ARHGEF38: variants seen among roughly 807,000 people sequenced by gnomAD.
ARHGEF38 encodes the protein Rho guanine nucleotide exchange factor (GEF) 38.
Under a neutral mutation model 79.9 loss-of-function variants are expected in ARHGEF38, and 79 were observed. That is an observed-to-expected ratio of 0.99 (90% confidence interval 0.82 to 1.19). ARHGEF38 has a LOEUF of 1.19. Among genes scored for constraint, ARHGEF38 ranks in the 50% most tolerant of loss-of-function variants. ARHGEF38 has a pLI of 0.00. For missense variants in ARHGEF38, 962 were observed against 907.2 expected, an observed-to-expected ratio of 1.06 and a Z score of -0.78; for synonymous variants, 366 against 328.3, an observed-to-expected ratio of 1.11 and a Z score of -1.24.
rs907534416 is a variant in ARHGEF38 at position 105,668,620 on chromosome 4, T to C, written c.2148+917T>C. Among the ~76,000 whole-genome samples, 13 of 152,208 alleles carry C rather than the reference T, an allele frequency of 8.5e-5. No homozygotes were observed. The South Asian group carries it at 2.7e-3, about 32-fold the overall frequency. On this transcript the variant is annotated intron_variant, in intron 13 of 13. Coordinates refer to ENST00000420470, the MANE Select transcript of ARHGEF38 (RefSeq NM_001242729.2). Reference sequence around the variant, plus strand: ...TTTCTTTAGTGTTCTATTAATAATTTATTTAAATTTATTTTTATAGAGGTT... The same window carrying C: ...TTTCTTTAGTGTTCTATTAATAATTCATTTAAATTTATTTTTATAGAGGTT...
Position 105,677,779 on chromosome 4 carries a change from G to C in ARHGEF38, c.2176G>C (p.Ala726Pro). The change falls in exon 14 of 14, where the codon GCA becomes CCA. Residue 726 changes from alanine to proline, a missense_variant. Ala to Pro is a conservative substitution (Grantham distance 27). Coordinates refer to ENST00000420470, the MANE Select transcript of ARHGEF38 (RefSeq NM_001242729.2). ...QIFYAVHAFQ[A>P]RSDHELSLQE... ...TTTCTATGCAGTTCATGCTTTTCAA[G>C]CACGGAGTGACCATGAACTCAGCCT... The C allele has an allele frequency of 6.6e-7, 1 of 1,517,758 alleles. No homozygotes were observed. Among genetic ancestry groups the C allele is most frequent in the Non-Finnish European group, 8.8e-7 (1 of 1,134,852 alleles). The allele number at this position is 1,517,758 out of a possible 1,614,324, so 94.0% of individuals were successfully genotyped here.
chr4:105,635,836 C>T (rs1578333424), intron 4 of ARHGEF38, among the ~76,000 whole-genome samples: 1 of 152,066 alleles, frequency 6.6e-6, no homozygotes, highest in Non-Finnish European at 1.5e-5. Flanking sequence ...TGATTCCCAT[C>T]TAATAGGTCT....
intron 3 of ARHGEF38, among the ~76,000 whole-genome samples, chr4:105,626,292 A>G (rs1476942362): frequency 6.6e-6 from 1 of 152,084 alleles, no homozygotes; most frequent in Non-Finnish European, 1.5e-5. Context: ...TCTCTCACAC[A>G]TGTTCAATGT....
At chr4:105,668,064 T>C (rs947620939) in intron 13 of ARHGEF38, among the ~76,000 whole-genome samples, 5 of 152,140 alleles carry the variant, frequency 3.3e-5, no homozygotes, top group African/African-American at 1.2e-4. Flanking sequence ...CTGCCATCAA[T>C]AGCACATGGG....
chr4:105,669,909 C>A (rs1286317592), intron 13 of ARHGEF38, among the ~76,000 whole-genome samples: 1 of 152,126 alleles, frequency 6.6e-6, no homozygotes, highest in Non-Finnish European at 1.5e-5. Context: ...TGTTTTACAG[C>A]TGCTTTTTTT....
At chr4:105,555,522 C>A (rs925204447) in intron 1 of ARHGEF38, among the ~76,000 whole-genome samples, 7 of 152,130 alleles carry the variant, frequency 4.6e-5, no homozygotes, top group Middle Eastern at 3.4e-3. Context: ...ATTCAAATGC[C>A]GAGAGATTTT....
chr4:105,624,908 A>G (rs1033828730), intron 3 of ARHGEF38, among the ~76,000 whole-genome samples: 3 of 152,210 alleles, frequency 2.0e-5, no homozygotes, highest in African/African-American at 4.8e-5. Flanking sequence ...AATGACAGTC[A>G]GAGGCCTGTA....
chr4:105,667,587 G>A lies in ARHGEF38; in HGVS notation c.2032G>A (p.Val678Ile). ...FVSSRPASDS[V>I]TGTSESSIGD... Reference sequence around the variant, plus strand: ...GTCTTCACGGCCAGCTAGTGACAGTGTCACAGGCACCTCAGAAAGCAGCAT... The same window carrying A: ...GTCTTCACGGCCAGCTAGTGACAGTATCACAGGCACCTCAGAAAGCAGCAT... Residue 678 changes from valine (V) to isoleucine (I), a missense_variant, in exon 13 of 14, where the codon GTC (valine) becomes ATC (isoleucine). Coordinates refer to ENST00000420470, the MANE Select transcript of ARHGEF38 (RefSeq NM_001242729.2). 1 of 1,536,708 alleles carries A rather than the reference G, an allele frequency of 6.5e-7. No homozygotes were observed.
At position 105,659,161 on chromosome 4, in the gene ARHGEF38, C is replaced by A; in HGVS notation, c.1341C>A (p.Cys447Ter). The A allele has an allele frequency of 6.5e-7, 1 of 1,536,188 alleles. No homozygotes were observed. The part of the protein sequence containing the change: ...IQKRYDKLLD[C>*]NSYLQRSTGE... Reference sequence around the variant, plus strand: ...AACGCTATGACAAACTGCTGGATTGCAACAGCTACCTGCAGCGATCAACGG... The same window carrying A: ...AACGCTATGACAAACTGCTGGATTGAAACAGCTACCTGCAGCGATCAACGG... The change falls in exon 10 of 14, where the codon TGC becomes TGA. Residue 447 changes from cysteine (C) to a stop codon, truncating the protein, a stop_gained. Coordinates refer to ENST00000420470, the MANE Select transcript of ARHGEF38 (RefSeq NM_001242729.2). LOFTEE classifies it high-confidence loss of function.
intron 10 of ARHGEF38, among the ~76,000 whole-genome samples, chr4:105,660,656 T>A (rs1730527814): frequency 6.6e-6 from 1 of 152,162 alleles, no homozygotes; most frequent in Admixed American, 6.6e-5. Context: ...GTCAGGCTGG[T>A]CTCGAACTTC....
chr4:105,632,322 C>A (rs538389807), intron 4 of ARHGEF38, among the ~76,000 whole-genome samples: 44 of 152,238 alleles, frequency 2.9e-4, no homozygotes, highest in Admixed American at 1.7e-3. Context: ...AAGCGTAGTT[C>A]TGGGGGCTAA....
At chr4:105,623,914 A>G (rs11940390) in intron 3 of ARHGEF38, among the ~76,000 whole-genome samples, 3,507 of 152,220 alleles carry the variant, frequency 0.023, 122 homozygotes, top group African/African-American at 0.072. Flanking sequence ...GGCCAGATGT[A>G]CTGAGTGGAT....
intron 1 of ARHGEF38, among the ~76,000 whole-genome samples, chr4:105,555,700 T>C (rs942803124): frequency 6.6e-6 from 1 of 152,172 alleles, no homozygotes; most frequent in Admixed American, 6.6e-5. Context: ...GCTGGTTATT[T>C]AATTAGTTAT....
intron 1 of ARHGEF38, among the ~76,000 whole-genome samples, chr4:105,579,995 C>T (rs1220561657): frequency 6.6e-6 from 1 of 152,048 alleles, no homozygotes; most frequent in Non-Finnish European, 1.5e-5. Flanking sequence ...TCCATTTCAT[C>T]TAGATTTTCT....
intron 1 of ARHGEF38, among the ~76,000 whole-genome samples, chr4:105,577,274 C>T (rs888893847): frequency 7.6e-6 from 1 of 130,740 alleles, no homozygotes; most frequent in African/African-American, 2.9e-5. Context: ...ACAACAGTCC[C>T]CAGAGGGTGA....
chr4:105,665,267 G>T (rs1295788342), intron 10 of ARHGEF38, among the ~76,000 whole-genome samples: 2 of 151,958 alleles, frequency 1.3e-5, no homozygotes, highest in Non-Finnish European at 2.9e-5. Context: ...GGCCGAGGCG[G>T]GCGGATCATG....
intron 7 of ARHGEF38, among the ~76,000 whole-genome samples, chr4:105,653,033 C>A (rs561539648): frequency 6.6e-6 from 1 of 152,324 alleles, no homozygotes; most frequent in East Asian, 1.9e-4. Context: ...TGCACGTTCA[C>A]ACAGATTTTG....
intron 1 of ARHGEF38, among the ~76,000 whole-genome samples, chr4:105,567,754 T>A (rs1726001229): frequency 6.6e-6 from 1 of 152,154 alleles, no homozygotes; most frequent in South Asian, 2.1e-4. Context: ...ATTTAAAAAA[T>A]TAATATTAAA....
chr4:105,673,922 C>A (rs1731037556), intron 13 of ARHGEF38, among the ~76,000 whole-genome samples: 1 of 152,148 alleles, frequency 6.6e-6, no homozygotes, highest in Non-Finnish European at 1.5e-5. Context: ...TCATGCAATA[C>A]AACTACCTTG....
Sources: allele counts gnomAD v4.1 joint callset (sites outside exome capture counted in the v4.1 genomes callset), GRCh38; gene constraint gnomAD v4.1.1; transcripts MANE v1.5; gene names NCBI Gene and HGNC (gene_info 2026-07-23, HGNC 2026-07-21).